Variants in CRISPLD2 observed in about 807,000 individuals in gnomAD.
The protein encoded by CRISPLD2 is cysteine rich secretory protein LCCL domain containing 2.
A neutral mutation model predicts 71.1 loss-of-function variants in CRISPLD2; 47 were observed. That is an observed-to-expected ratio of 0.66 (90% CI 0.52 to 0.84). The LOEUF (loss-of-function observed/expected upper bound fraction) is 0.84, where lower values mean the gene tolerates loss of function less well. Ranked by LOEUF, CRISPLD2 falls within the 40% of genes least tolerant of loss-of-function variation. The pLI, the probability that CRISPLD2 is intolerant of heterozygous loss-of-function variation, is 0.00. For synonymous variants in CRISPLD2, 317 were observed against 250.1 expected (o/e 1.27, Z -2.52); for missense variants, 830 against 651.1 (o/e 1.27, Z -2.99).
intron 13 of CRISPLD2, among the ~76,000 whole-genome samples, chr16:84,882,624 C>T (rs1387783410): frequency 1.3e-5 from 2 of 152,156 alleles, no homozygotes; most frequent in Non-Finnish European, 2.9e-5. Context: ...AGGCTGGTCT[C>T]GAACCCCTGA....
Position 84,889,234 on chromosome 16 carries a change from C to T in CRISPLD2, c.1310C>T (p.Ser437Leu). 6.2e-7 allele frequency: 1 copy of T among 1,614,118 alleles called. No individual in the cohort carries two copies. The highest frequency in any genetic ancestry group is 8.5e-7 in the Non-Finnish European group (1 of 1,179,988). Residue 437 changes from serine (S) to leucine (L), a missense_variant, in exon 14 of 15, where the codon TCA becomes TTA. Coordinates refer to ENST00000262424, the MANE Select transcript of CRISPLD2 (RefSeq NM_031476.4). ...VFGTNIYADT[S>L]SICKTAVHAG... ...CAGCCCTTCCTGTGCTTCCAGACCT[C>T]AAGCATCTGCAAGACAGCCGTGCAC...
At chr16:84,887,158 G>A (rs748280463) in intron 13 of CRISPLD2, among the ~76,000 whole-genome samples, 1 of 152,192 alleles carries the variant, frequency 6.6e-6, no homozygotes, top group Non-Finnish European at 1.5e-5. Context: ...CCTGGGGCTC[G>A]GGTATTGTGC....
At chr16:84,850,480 T>C in intron 4 of CRISPLD2, 88 bp from the exon 5 acceptor site, 2 of 1,012,704 alleles carry the variant, frequency 2.0e-6, no homozygotes, top group South Asian at 1.3e-5. Flanking sequence ...ACCTCTTTAG[T>C]GCCAGCACCT....
At chr16:84,887,256 C>T (rs1280270510) in intron 13 of CRISPLD2, among the ~76,000 whole-genome samples, 1 of 152,192 alleles carries the variant, frequency 6.6e-6, no homozygotes, top group Non-Finnish European at 1.5e-5. Flanking sequence ...TAAGCTCAGA[C>T]CTGCTGGTGG....
At chr16:84,869,841 G>A (rs978607451) in intron 8 of CRISPLD2, among the ~76,000 whole-genome samples, 6 of 152,248 alleles carry the variant, frequency 3.9e-5, no homozygotes, top group Non-Finnish European at 7.3e-5. Flanking sequence ...CATTGCGATA[G>A]CATCACCCCT....
At chr16:84,850,499 C>G (rs1917055995) in intron 4 of CRISPLD2, 69 bp from the exon 5 acceptor site, 1 of 1,331,906 alleles carries the variant, frequency 7.5e-7, no homozygotes, top group Non-Finnish European at 1.1e-6. Context: ...CTTATACATC[C>G]AGGCCAAATG....
intron 5 of CRISPLD2, among the ~76,000 whole-genome samples, chr16:84,851,927 T>C (rs1475113660): frequency 6.6e-6 from 1 of 152,202 alleles, no homozygotes; most frequent in Non-Finnish European, 1.5e-5. Flanking sequence ...CATTAGTCTG[T>C]TGGGGCTGCA....
intron 5 of CRISPLD2, among the ~76,000 whole-genome samples, chr16:84,851,402 G>GCAT (rs1368916512): frequency 2.0e-5 from 3 of 152,210 alleles, no homozygotes; most frequent in Admixed American, 6.5e-5. Flanking sequence ...CCTGAGGTTT[G>GCAT]CATGCTGGCC....
intron 14 of CRISPLD2, among the ~76,000 whole-genome samples, chr16:84,904,040 C>T (rs916534218): frequency 7.9e-5 from 12 of 152,162 alleles, no homozygotes; most frequent in Admixed American, 7.9e-4. Context: ...GTGGCCAAGA[C>T]ACAGGAAGGC....
In CRISPLD2 at chr16:84,835,852, G is replaced by A. The variant is rs114739513; in HGVS notation, c.-74-2570G>A. On this transcript the variant is annotated intron_variant, in intron 1 of 14. Coordinates refer to ENST00000262424, the MANE Select transcript of CRISPLD2 (RefSeq NM_031476.4). ...GGGATAGCTCACGCTGGCTCAGGAG[G>A]ACGTGCCAGAGGACTCATTTAAAAA... Among the ~76,000 whole-genome samples the A allele has an allele frequency of 3.3e-3, 508 of 152,308 alleles. 2 individuals are homozygous for A. The highest frequency in any genetic ancestry group is 0.011 in the African/African-American group (476 of 41,562).
chr16:84,873,990 C>G, intron 11 of CRISPLD2, 27 bp downstream of exon 11: 3 of 1,578,338 alleles, frequency 1.9e-6, no homozygotes, highest in African/African-American at 1.4e-5. Flanking sequence ...CTTTTGCGAC[C>G]ATAATACCTG....
chr16:84,874,469 G>A (rs1051036842), intron 11 of CRISPLD2, among the ~76,000 whole-genome samples: 2 of 152,140 alleles, frequency 1.3e-5, no homozygotes, highest in Non-Finnish European at 2.9e-5. Context: ...TTGGAAGGTG[G>A]GATGCACGAT....
chr16:84,889,165 C>T (rs906631015), intron 13 of CRISPLD2, 65 bp from the exon 14 acceptor site: 5 of 1,609,378 alleles, frequency 3.1e-6, no homozygotes, highest in African/African-American at 2.7e-5. Flanking sequence ...ATGATGGAGC[C>T]CCAGCTGGCT....
Position 84,822,635 on chromosome 16 carries a change from G to A in CRISPLD2, c.-75+2502G>A, listed in dbSNP as rs377427750. Among the ~76,000 whole-genome samples, 3 of 152,124 alleles carry A rather than the reference G, an allele frequency of 2.0e-5. No homozygotes were observed. In the South Asian group the frequency reaches 6.2e-4, roughly 32 times the overall value. ...CCCAGGATCACTCAAACGGGCTGAC[G>A]GCTTGTCAGGAAAGGAAAATTCAAT... On this transcript the variant is annotated intron_variant, in intron 1 of 14. Transcript: ENST00000262424.
intron 7 of CRISPLD2, among the ~76,000 whole-genome samples, chr16:84,868,559 G>T (rs774197): frequency 0.37 from 56,670 of 151,978 alleles, 11,167 homozygotes; most frequent in East Asian, 0.65. Flanking sequence ...TCTCTCTCAA[G>T]GTTCACAAAA....
intron 13 of CRISPLD2, among the ~76,000 whole-genome samples, chr16:84,882,892 C>G (rs2071581036): frequency 6.6e-6 from 1 of 152,206 alleles, no homozygotes; most frequent in South Asian, 2.1e-4. Context: ...TTCGACTCTG[C>G]TCTTTCCCTG....
intron 14 of CRISPLD2, among the ~76,000 whole-genome samples, chr16:84,889,971 C>G (rs1276651779): frequency 1.3e-5 from 2 of 152,158 alleles, no homozygotes; most frequent in African/African-American, 2.4e-5. Flanking sequence ...CCTTGAGCCT[C>G]AGTTTTCTCA....
chr16:84,845,404 T>A (rs1916884697), intron 2 of CRISPLD2, among the ~76,000 whole-genome samples: 1 of 151,928 alleles, frequency 6.6e-6, no homozygotes. Flanking sequence ...GAGACTGGGG[T>A]CATCGGGACA....
chr16:84,906,577 C>CT lies in CRISPLD2; in HGVS notation c.1440-4dup, dbSNP rs769559985. 5.0e-6 allele frequency: 8 copies of CT among 1,612,340 alleles called. No individual in the cohort carries two copies. In the East Asian group the frequency reaches 6.7e-5, roughly 13 times the overall value. On this transcript the variant is annotated splice_polypyrimidine_tract_variant and intron_variant, in intron 14 of 14. Coordinates refer to ENST00000262424, the MANE Select transcript of CRISPLD2 (RefSeq NM_031476.4). ...CTCTCAGTAACGGGCCCTCTTTCTT[C>CT]TTTTTTTCAGCCTGGGGACTCCTCG... is the stretch of plus-strand genomic sequence containing the variant.
Sources: allele counts gnomAD v4.1 joint callset (sites outside exome capture counted in the v4.1 genomes callset), GRCh38; gene constraint gnomAD v4.1.1; transcripts MANE v1.5; gene names NCBI Gene and HGNC (gene_info 2026-07-23, HGNC 2026-07-21).